The following SIM1 variants were observed in gnomAD, a reference collection of about 807,000 sequenced individuals.
The protein encoded by SIM1 is SIM bHLH transcription factor 1.
A neutral mutation model predicts 78.2 loss-of-function variants in SIM1; 18 were observed. That is an observed-to-expected ratio of 0.23 (90% confidence interval 0.16 to 0.34). The LOEUF (loss-of-function observed/expected upper bound fraction) is 0.34, where lower values mean the gene tolerates loss of function less well. Ranked by LOEUF, SIM1 falls within the 10% of genes least tolerant of loss-of-function variation. The pLI is 1.00. For missense variants in SIM1, 939 were observed against 975.1 expected, an observed-to-expected ratio of 0.96 and a Z score of 0.49; for synonymous variants, 417 against 385.2, an observed-to-expected ratio of 1.08 and a Z score of -0.97.
At position 100,421,034 on chromosome 6, in the gene SIM1, T is replaced by C. The variant is rs1004405875; in HGVS notation, c.999-76A>G. On this transcript the variant is annotated intron_variant, in intron 9 of 11. Transcript: ENST00000369208. ...TCATGCATACTCTCATCAGGAATGA[T>C]AGTAATCCGAATTTGAAAAGAAGGC... The C allele has an allele frequency of 2.0e-5, 28 of 1,433,620 alleles. No homozygotes were observed. In the South Asian group the frequency reaches 2.7e-4, roughly 14 times the overall value. The allele number at this position is 1,433,620 out of a possible 1,614,324, so 88.8% of individuals were successfully genotyped here.
At chr6:100,443,800 A>G (rs1468818514) in intron 9 of SIM1, among the ~76,000 whole-genome samples, 1 of 152,160 alleles carries the variant, frequency 6.6e-6, no homozygotes, top group Non-Finnish European at 1.5e-5. Flanking sequence ...CAGGAAAAAA[A>G]ATACACATTA....
chr6:100,401,076 T>C (rs1485718844), intron 10 of SIM1, among the ~76,000 whole-genome samples: 2 of 152,150 alleles, frequency 1.3e-5, no homozygotes, highest in African/African-American at 2.4e-5. Flanking sequence ...ATGGACATCA[T>C]GTGCCTCTGG....
At position 100,442,098 on chromosome 6, in the gene SIM1, A is replaced by T. The variant is rs564830043; in HGVS notation, c.998+5170T>A. ...AATCTCCGACCCAACCACTGTGCAG[A>T]GCCATCAAAGAAGCAAGTCAGGTAA... On this transcript the variant is annotated intron_variant, in intron 9 of 11. Transcript: ENST00000369208. Among the ~76,000 whole-genome samples, 113 of 152,380 alleles carry T rather than the reference A, an allele frequency of 7.4e-4. 1 individual carries two copies. Among genetic ancestry groups the T allele is most frequent in the African/African-American group, 2.6e-3 (108 of 41,592 alleles).
chr6:100,456,660 A>G (rs574970242), intron 2 of SIM1, among the ~76,000 whole-genome samples: 1 of 152,214 alleles, frequency 6.6e-6, no homozygotes, highest in East Asian at 1.9e-4. Flanking sequence ...TTAGCTGATA[A>G]ATTTTGCTTC....
In SIM1 at chr6:100,390,850, C is replaced by G; in HGVS notation, c.1812G>C (p.Leu604=). 1 of 1,614,164 alleles carries G rather than the reference C, an allele frequency of 6.2e-7. No homozygotes were observed. Among genetic ancestry groups the G allele is most frequent in the Non-Finnish European group, 8.5e-7 (1 of 1,180,030 alleles). ...GGGGCTGTTGGTAGTTTGCAAAACA[C>G]AGGGAGTGTTTTTTCCCAGCCCCAT... The part of the protein sequence containing the change: ...SINGAGKKHS[L]CFANYQQPPP... The change falls in exon 12 of 12, where the codon CTG becomes CTC. Residue 604 remains leucine, a synonymous_variant. Transcript: ENST00000369208.
In SIM1 at chr6:100,389,418, C is replaced by G; in HGVS notation, c.*943G>C. The G allele has an allele frequency of 2.6e-6, 1 of 391,270 alleles. No homozygotes were observed. 24.2% of individuals were successfully genotyped at this position (391,270 alleles called of 1,614,324 possible). ...CACTGGTTTTCCTTTTATTTTTGCA[C>G]CTATTGGTCTTTTTTCTGGGTGAAT... On this transcript the variant is annotated 3_prime_UTR_variant, in exon 12 of 12. Coordinates refer to ENST00000369208, the MANE Select transcript of SIM1 (RefSeq NM_005068.3).
rs190990702 is a variant in SIM1 at position 100,447,811 on chromosome 6, C to T, written c.850+335G>A. Among the ~76,000 whole-genome samples the T allele has an allele frequency of 3.6e-3, 549 of 152,354 alleles. 4 individuals are homozygous for T. Among genetic ancestry groups the T allele is most frequent in the African/African-American group, 0.013 (535 of 41,592 alleles). On this transcript the variant is annotated intron_variant, in intron 8 of 11. Coordinates refer to ENST00000369208, the MANE Select transcript of SIM1 (RefSeq NM_005068.3). ...CTGTATCAAAAGCCAGGCGAGTCAA[C>T]GCAAGTGAGCGCCAGCCTTGGTTTT...
At chr6:100,424,133 T>C (rs1771664386) in intron 9 of SIM1, among the ~76,000 whole-genome samples, 1 of 135,672 alleles carries the variant, frequency 7.4e-6, no homozygotes, top group South Asian at 2.2e-4. Context: ...TTTACATGGC[T>C]TCTAATAACA....
intron 10 of SIM1, among the ~76,000 whole-genome samples, chr6:100,409,830 T>A (rs1771148228): frequency 6.6e-6 from 1 of 152,168 alleles, no homozygotes; most frequent in African/African-American, 2.4e-5. Flanking sequence ...AAATTGCAAA[T>A]TTTTCAATTT....
intron 3 of SIM1, among the ~76,000 whole-genome samples, chr6:100,452,936 G>T (rs539039225): frequency 6.6e-6 from 1 of 152,286 alleles, no homozygotes; most frequent in South Asian, 2.1e-4. Context: ...AGCCCACAGG[G>T]AGAACTTGCT....
rs1351287694 is a variant in SIM1 at position 100,393,708 on chromosome 6, G to T, written c.1349C>A (p.Ala450Glu). The change falls in exon 11 of 12, where the codon GCG becomes GAG. Residue 450 changes from alanine to glutamate, a missense_variant. Transcript: ENST00000369208. ...TTCCACCAGCCTCGAGTGGTCAAGC[G>T]CAAAGCCATAGCAGAGAGAGCTGCG... ...SDRSSLCYGF[A>E]LDHSRLVEER... 1 of 1,614,028 alleles carries T rather than the reference G, an allele frequency of 6.2e-7. No individual in the cohort carries two copies. The highest frequency in any genetic ancestry group is 8.5e-7 in the Non-Finnish European group (1 of 1,180,012).
intron 10 of SIM1, 138 bp from the exon 11 acceptor site, chr6:100,394,027 G>T: frequency 1.2e-6 from 1 of 820,064 alleles, no homozygotes; most frequent in Non-Finnish European, 1.8e-6. Flanking sequence ...CAAAATAACC[G>T]TTGCTTTGGC....
chr6:100,464,135 G>C (rs1772929220), intron 1 of SIM1, among the ~76,000 whole-genome samples, 200 bp from the exon 2 acceptor site: 1 of 152,166 alleles, frequency 6.6e-6, no homozygotes, highest in African/African-American at 2.4e-5. Context: ...ACCCATGCCA[G>C]CCGCATCCTC....
intron 9 of SIM1, chr6:100,427,234 G>T (rs964343464): frequency 1.3e-5 from 2 of 152,212 alleles, no homozygotes; most frequent in African/African-American, 4.8e-5. Context: ...ACTGCGAGGG[G>T]CTCACAGACT....
chr6:100,435,077 A>T (rs1172162674), intron 9 of SIM1, among the ~76,000 whole-genome samples: 3 of 152,212 alleles, frequency 2.0e-5, no homozygotes, highest in Admixed American at 2.0e-4. Context: ...ATGACTGTTG[A>T]TGCTAAAATT....
intron 10 of SIM1, among the ~76,000 whole-genome samples, chr6:100,413,737 T>C (rs1462857450): frequency 6.6e-6 from 1 of 152,206 alleles, no homozygotes; most frequent in Admixed American, 6.6e-5. Context: ...TCTGATTCCA[T>C]GTACCTACTT....
At chr6:100,434,209 C>T (rs1771980486) in intron 9 of SIM1, among the ~76,000 whole-genome samples, 1 of 152,220 alleles carries the variant, frequency 6.6e-6, no homozygotes, top group Non-Finnish European at 1.5e-5. Context: ...TTGACACCCA[C>T]TCTGCCCTCC....
At chr6:100,456,130 G>C (rs1395036404) in intron 2 of SIM1, among the ~76,000 whole-genome samples, 1 of 151,202 alleles carries the variant, frequency 6.6e-6, no homozygotes, top group Non-Finnish European at 1.5e-5. Flanking sequence ...TCTTACGATT[G>C]TGTCTGGGTT....
At chr6:100,416,338 A>G (rs1329063837) in intron 10 of SIM1, among the ~76,000 whole-genome samples, 1 of 151,918 alleles carries the variant, frequency 6.6e-6, no homozygotes, top group East Asian at 1.9e-4. Context: ...AAGCAGTGTT[A>G]CTGTCAGCCA....
Sources: allele counts gnomAD v4.1 joint callset (sites outside exome capture counted in the v4.1 genomes callset), GRCh38; gene constraint gnomAD v4.1.1; transcripts MANE v1.5; gene names NCBI Gene and HGNC (gene_info 2026-07-23, HGNC 2026-07-21).